Variants in PTPRR observed in about 807,000 individuals in gnomAD.
PTPRR encodes receptor-type tyrosine-protein phosphatase R.
PTPRR carries 38 observed loss-of-function variants against 77.2 expected under a neutral mutation model. The ratio of observed to expected loss-of-function variants is 0.49; its 90% CI spans 0.38 to 0.65. The LOEUF (loss-of-function observed/expected upper bound fraction) is 0.65, where lower values mean the gene tolerates loss of function less well. Ranked by LOEUF, PTPRR falls within the 30% of genes least tolerant of loss-of-function variation. The probability of loss-of-function intolerance (pLI) is 0.00; values close to 1 mark genes in which losing one functional copy is unlikely to be tolerated. For missense variants in PTPRR, 744 were observed against 799.2 expected (o/e 0.93, Z 0.83); for synonymous variants, 299 against 283.1 (o/e 1.06, Z -0.57).
At position 70,658,883 on chromosome 12, in the gene PTPRR, G is replaced by GTTTTTTTTTTTTTTTTTTTTT. The variant is rs746595856; in HGVS notation, c.1766+2036_1766+2056dup. On this transcript the variant is annotated intron_variant, in intron 12 of 13. Transcript: ENST00000283228. ...TTCAACGTTAGGGACTTTTGCTCTA[G>GTTTTTTTTTTTTTTTTTTTTT]TTTTTTTTTTTTTTTTTTTTTTTTT... Among the ~76,000 whole-genome samples, 14 of 36,936 alleles carry GTTTTTTTTTTTTTTTTTTTTT rather than the reference G, an allele frequency of 3.8e-4. 2 individuals are homozygous for GTTTTTTTTTTTTTTTTTTTTT. Among genetic ancestry groups the GTTTTTTTTTTTTTTTTTTTTT allele is most frequent in the Non-Finnish European group, 5.3e-4 (11 of 20,632 alleles). The allele number at this position is 36,936 out of a possible 152,430, so 24.2% of individuals were successfully genotyped here. A position where few individuals can be genotyped will look rare whatever the true frequency, so the allele number is the denominator to read the frequency against.
chr12:70,869,398 G>C (rs1015580536), intron 2 of PTPRR, among the ~76,000 whole-genome samples: 3 of 152,088 alleles, frequency 2.0e-5, no homozygotes, highest in African/African-American at 7.2e-5. Flanking sequence ...TCCAGATGCT[G>C]CGTCCTAGAA....
At chr12:70,907,247 G>A (rs1893636171) in intron 1 of PTPRR, among the ~76,000 whole-genome samples, 1 of 152,180 alleles carries the variant, frequency 6.6e-6, no homozygotes, top group Non-Finnish European at 1.5e-5. Flanking sequence ...TATAGTGCTA[G>A]CTCTGATCAC....
At chr12:70,733,263 A>C (rs562842572) in intron 6 of PTPRR, among the ~76,000 whole-genome samples, 12 of 152,142 alleles carry the variant, frequency 7.9e-5, no homozygotes, top group African/African-American at 2.7e-4. Context: ...CATTGTTAGA[A>C]AGTATATCAT....
intron 2 of PTPRR, among the ~76,000 whole-genome samples, chr12:70,817,346 G>A (rs1227623736): frequency 6.6e-6 from 1 of 152,016 alleles, no homozygotes; most frequent in African/African-American, 2.4e-5. Context: ...CAATGGATAA[G>A]GTCTGTATAT....
At chr12:70,767,821 A>G (rs1349971337) in intron 2 of PTPRR, among the ~76,000 whole-genome samples, 1 of 152,242 alleles carries the variant, frequency 6.6e-6, no homozygotes, top group Non-Finnish European at 1.5e-5. Flanking sequence ...TGTCTCTCAG[A>G]CCACAGTGCA....
chr12:70,733,223 A>G (rs1889724051), intron 6 of PTPRR, among the ~76,000 whole-genome samples: 1 of 152,118 alleles, frequency 6.6e-6, no homozygotes, highest in South Asian at 2.1e-4. Context: ...TACTTAAAAT[A>G]ATGAGAAATG....
intron 2 of PTPRR, among the ~76,000 whole-genome samples, chr12:70,786,025 A>G (rs1447165006): frequency 6.6e-6 from 1 of 152,102 alleles, no homozygotes; most frequent in Non-Finnish European, 1.5e-5. Flanking sequence ...TGCTGATGGC[A>G]GAACCCAGCA....
intron 6 of PTPRR, among the ~76,000 whole-genome samples, chr12:70,726,097 C>CTT (rs34746276): frequency 2.8e-5 from 4 of 143,632 alleles, no homozygotes; most frequent in Non-Finnish European, 6.1e-5. Context: ...AAGAATGATG[C>CTT]TTTTTTTTTT....
intron 4 of PTPRR, among the ~76,000 whole-genome samples, chr12:70,756,966 G>A (rs1362277681): frequency 6.6e-6 from 1 of 152,150 alleles, no homozygotes; most frequent in Non-Finnish European, 1.5e-5. Context: ...GCAGATAAAT[G>A]AGATGTATCC....
chr12:70,729,795 TAC>T (rs1047408851), intron 6 of PTPRR, among the ~76,000 whole-genome samples: 49 of 152,162 alleles, frequency 3.2e-4, no homozygotes, highest in African/African-American at 1.0e-3. Flanking sequence ...TTTACTGAAT[TAC>T]ACAGTTTACT....
At chr12:70,821,809 C>T (rs150056490) in intron 2 of PTPRR, among the ~76,000 whole-genome samples, 2,224 of 152,126 alleles carry the variant, frequency 0.015, 59 homozygotes, top group African/African-American at 0.05. Context: ...GGACTACAGG[C>T]GCCCGCCACC....
rs931154479 is a variant in PTPRR, at chr12:70,920,679, G to T, written c.-289C>A. 1.4e-5 allele frequency: 5 copies of T among 369,198 alleles called. No homozygotes were observed. Among genetic ancestry groups the T allele is most frequent in the South Asian group, 8.6e-5 (3 of 34,956 alleles). The allele number at this position is 369,198 out of a possible 1,614,324, so 22.9% of individuals were successfully genotyped here. ...GACGCCCAGAAGCCAAGGCGGAGAC[G>T]GCAGGGTGGACTCCGCGCCAGCCCA... On this transcript the variant is annotated 5_prime_UTR_variant, in exon 1 of 14. Transcript: ENST00000283228.
intron 2 of PTPRR, among the ~76,000 whole-genome samples, chr12:70,768,083 C>A (rs1246028472): frequency 6.6e-6 from 1 of 151,852 alleles, no homozygotes; most frequent in African/African-American, 2.4e-5. Flanking sequence ...AAACTGACAC[C>A]CTAACATCAC....
intron 2 of PTPRR, among the ~76,000 whole-genome samples, chr12:70,821,188 C>T (rs1892001966): frequency 7.7e-6 from 1 of 129,424 alleles, no homozygotes; most frequent in Non-Finnish European, 1.6e-5. Context: ...CATATAAATG[C>T]AAAACATGTT....
Position 70,872,423 on chromosome 12 carries a change from C to T in PTPRR, c.357+20256G>A, listed in dbSNP as rs186966796. 2.6e-4 allele frequency among the ~76,000 whole-genome samples: 40 copies of T among 152,008 alleles called. No homozygotes were observed. In the East Asian group the frequency reaches 6.4e-3, roughly 24 times the overall value. The stretch of plus-strand genomic sequence containing the variant: ...CAGAATCCACCAAGTCAGCCGCTTG[C>T]GGTGGCTCACACCTGTAATCCCAGC... On this transcript the variant is annotated intron_variant, in intron 2 of 13. Coordinates refer to ENST00000283228, the MANE Select transcript of PTPRR (RefSeq NM_002849.4).
intron 8 of PTPRR, among the ~76,000 whole-genome samples, chr12:70,691,032 G>T (rs1023417112): frequency 2.6e-5 from 4 of 152,068 alleles, no homozygotes; most frequent in African/African-American, 9.7e-5. Flanking sequence ...TTAAAAAAAG[G>T]TCAGTTCTAT....
intron 1 of PTPRR, among the ~76,000 whole-genome samples, chr12:70,893,682 C>T (rs1221542531): frequency 6.6e-6 from 1 of 151,882 alleles, no homozygotes; most frequent in African/African-American, 2.4e-5. Flanking sequence ...TTCTACATTT[C>T]CTCTTTTGTG....
chr12:70,804,547 A>G (rs1891675839), intron 2 of PTPRR, among the ~76,000 whole-genome samples: 1 of 152,062 alleles, frequency 6.6e-6, no homozygotes, highest in South Asian at 2.1e-4. Context: ...CCTGGGTGAC[A>G]GAAAAAAAAA....
intron 6 of PTPRR, among the ~76,000 whole-genome samples, chr12:70,743,682 C>T (rs190856835): frequency 1.3e-5 from 2 of 152,246 alleles, no homozygotes; most frequent in East Asian, 3.9e-4. Context: ...GACAGAGGAT[C>T]TATTTAACAC....
Sources: allele counts gnomAD v4.1 joint callset (sites outside exome capture counted in the v4.1 genomes callset), GRCh38; gene constraint gnomAD v4.1.1; transcripts MANE v1.5; gene names NCBI Gene and HGNC (gene_info 2026-07-23, HGNC 2026-07-21).